The following CHN1 variants were observed in gnomAD, a reference collection of about 807,000 sequenced individuals.
CHN1 encodes chimerin 1, also known as N-chimaerin.
Under a neutral mutation model 59.5 loss-of-function variants are expected in CHN1, and 37 were observed. That is an observed-to-expected ratio of 0.62 (90% CI 0.48 to 0.82). The LOEUF is 0.82. Among genes scored for constraint, CHN1 ranks in the 40% least tolerant of loss-of-function variants. The pLI, the probability that CHN1 is intolerant of heterozygous loss-of-function variation, is 0.00. For synonymous variants in CHN1, 206 were observed against 200.4 expected, an observed-to-expected ratio of 1.03 and a Z score of -0.24; for missense variants, 469 against 571.0, an observed-to-expected ratio of 0.82 and a Z score of 1.82.
chr2:174,808,312 T>C (rs566780137), intron 11 of CHN1, among the ~76,000 whole-genome samples: 1 of 152,370 alleles, frequency 6.6e-6, no homozygotes, highest in East Asian at 1.9e-4. Flanking sequence ...AGACGTAGTT[T>C]TGCTCTTGTT....
chr2:174,990,728 T>C (rs867976447), intron 1 of CHN1, among the ~76,000 whole-genome samples: 2 of 152,188 alleles, frequency 1.3e-5, no homozygotes, highest in Non-Finnish European at 1.5e-5. Context: ...CCCAGGAATA[T>C]ACAATAACTT....
At chr2:174,827,370 T>C (rs530800473) in intron 7 of CHN1, among the ~76,000 whole-genome samples, 3 of 152,188 alleles carry the variant, frequency 2.0e-5, no homozygotes, top group Non-Finnish European at 4.4e-5. Context: ...ATTTGCAAAG[T>C]GTGAGAGAAG....
At chr2:174,808,127 A>T (rs1684959665) in intron 11 of CHN1, among the ~76,000 whole-genome samples, 1 of 152,242 alleles carries the variant, frequency 6.6e-6, no homozygotes, top group South Asian at 2.1e-4. Context: ...AGTGCTTTTT[A>T]AAGTACAATG....
At chr2:174,943,101 TTTAAG>T (rs576535066) in intron 3 of CHN1, among the ~76,000 whole-genome samples, 104 of 152,098 alleles carry the variant, frequency 6.8e-4, no homozygotes, top group African/African-American at 2.2e-3. Flanking sequence ...ATAAAAGCTA[TTTAAG>T]TTATCTTTTT....
At chr2:174,908,862 T>C (rs1274625992) in intron 5 of CHN1, among the ~76,000 whole-genome samples, 1 of 152,210 alleles carries the variant, frequency 6.6e-6, no homozygotes, top group African/African-American at 2.4e-5. Flanking sequence ...TAAATATTTT[T>C]GGATATTAAT....
intron 3 of CHN1, among the ~76,000 whole-genome samples, chr2:174,934,700 A>G (rs2105392216): frequency 6.6e-6 from 1 of 152,340 alleles, no homozygotes; most frequent in East Asian, 1.9e-4. Flanking sequence ...CAGAATAGGC[A>G]GAGATAGCAA....
At chr2:174,996,648 A>G (rs1691720834) in intron 1 of CHN1, among the ~76,000 whole-genome samples, 1 of 152,096 alleles carries the variant, frequency 6.6e-6, no homozygotes, top group African/African-American at 2.4e-5. Context: ...ATGCTACGAA[A>G]GTACCATCCT....
intron 6 of CHN1, among the ~76,000 whole-genome samples, chr2:174,874,966 T>TG (rs1411387645): frequency 6.8e-6 from 1 of 146,784 alleles, no homozygotes; most frequent in Non-Finnish European, 1.5e-5. Flanking sequence ...CTCCGCCTCC[T>TG]GGGTTCAGGT....
chr2:174,932,165 T>C (rs1461400634), intron 3 of CHN1, among the ~76,000 whole-genome samples: 1 of 152,204 alleles, frequency 6.6e-6, no homozygotes, highest in Non-Finnish European at 1.5e-5. Flanking sequence ...TGTGTTAAGG[T>C]AGGATAAGTC....
chr2:174,945,189 G>A (rs1055787778), intron 2 of CHN1: 1 of 496,812 alleles, frequency 2.0e-6, no homozygotes, highest in South Asian at 2.4e-5. Flanking sequence ...AGTCAGTGCT[G>A]GATATTTGGC....
At chr2:174,953,645 G>A (rs1477365690) in intron 1 of CHN1, among the ~76,000 whole-genome samples, 2 of 151,998 alleles carry the variant, frequency 1.3e-5, no homozygotes, top group Admixed American at 1.3e-4. Flanking sequence ...TGAGAATCAA[G>A]TCAAGAACTC....
chr2:174,828,256 A>T (rs960638717), intron 7 of CHN1, among the ~76,000 whole-genome samples: 1 of 152,190 alleles, frequency 6.6e-6, no homozygotes, highest in Non-Finnish European at 1.5e-5. Flanking sequence ...GAATTCAGAG[A>T]AGGGCCACTG....
chr2:174,800,078 CA>C lies in CHN1; in HGVS notation c.*37del, dbSNP rs1684670014. 1 of 1,500,920 alleles carries C rather than the reference CA, an allele frequency of 6.7e-7. No homozygotes were observed. Among genetic ancestry groups the C allele is most frequent in the Admixed American group, 2.1e-5 (1 of 48,158 alleles). The allele number at this position is 1,500,920 out of a possible 1,614,324, so 93.0% of individuals were successfully genotyped here. A position where few individuals can be genotyped will look rare whatever the true frequency, so the allele number is the denominator to read the frequency against. ...ATTAAATTACTATAAAACATTCCTT[CA>C]TCTGTAAAACATTTCTTTTCCCCTC... On this transcript the variant is annotated 3_prime_UTR_variant, in exon 13 of 13. Transcript: ENST00000409900.
intron 5 of CHN1, among the ~76,000 whole-genome samples, chr2:174,891,095 A>G (rs1209566837): frequency 7.4e-6 from 1 of 134,446 alleles, no homozygotes; most frequent in Non-Finnish European, 1.6e-5. Flanking sequence ...GAGCCGAGAT[A>G]GTGCCACTGC....
chr2:174,851,049 A>G (rs1869086), intron 6 of CHN1, among the ~76,000 whole-genome samples: 49,639 of 151,996 alleles, frequency 0.33, 9,432 homozygotes, highest in Admixed American at 0.46. Flanking sequence ...TTTTGTCTTC[A>G]AAGCCTGACA....
chr2:174,939,928 T>G (rs941404776), intron 3 of CHN1, among the ~76,000 whole-genome samples: 23 of 152,248 alleles, frequency 1.5e-4, no homozygotes, highest in Non-Finnish European at 3.2e-4. Flanking sequence ...ACTAATTATA[T>G]ACTTTCAAAG....
At chr2:174,914,113 A>C (rs1688771186) in intron 5 of CHN1, among the ~76,000 whole-genome samples, 1 of 152,210 alleles carries the variant, frequency 6.6e-6, no homozygotes, top group Non-Finnish European at 1.5e-5. Context: ...AAGTTACTCA[A>C]TCTCCATCCA....
rs769230632 is a variant in CHN1, at chr2:174,944,915, A to T, written c.87T>A (p.His29Gln). 6.3e-7 allele frequency: 1 copy of T among 1,582,352 alleles called. No homozygotes were observed. Among genetic ancestry groups the T allele is most frequent in the Admixed American group, 1.8e-5 (1 of 55,648 alleles). ...YLYQLQQEAP[H>Q]PRRITCTCEV... is the part of the protein sequence containing the mutation. ...CGCAAGTACAGGTAATTCTTCGAGG[A>T]TGAGGGGCTTCCTGTTGTAGCTGAT... The change falls in exon 3 of 13, where the codon CAT becomes CAA. Residue 29 changes from histidine (H) to glutamine (Q), a missense_variant. Physicochemically the swap from His to Gln is conservative, Grantham distance 24. This residue lies in a region of CHN1 where 152 missense variants were observed against 166.1 expected (regional missense o/e 0.92). Coordinates refer to ENST00000409900, the MANE Select transcript of CHN1 (RefSeq NM_001822.7).
chr2:174,903,546 G>A (rs1425331321), intron 5 of CHN1, among the ~76,000 whole-genome samples: 1 of 152,158 alleles, frequency 6.6e-6, no homozygotes, highest in Non-Finnish European at 1.5e-5. Context: ...GTATGTCACG[G>A]TGGGAAAGTA....
Sources: allele counts gnomAD v4.1 joint callset (sites outside exome capture counted in the v4.1 genomes callset), GRCh38; gene constraint gnomAD v4.1.1; regional missense constraint gnomAD v4.1.1; transcripts MANE v1.5; gene names NCBI Gene and HGNC (gene_info 2026-07-23, HGNC 2026-07-21).